ARAP1: variants seen among roughly 807,000 people sequenced by gnomAD.
ARAP1 encodes the protein arf-GAP with Rho-GAP domain, ANK repeat and PH domain-containing protein 1.
ARAP1 carries 76 observed loss-of-function variants against 172.2 expected under a neutral mutation model. The observed-to-expected ratio is 0.44, with a 90% CI of 0.37 to 0.53. ARAP1 has a LOEUF of 0.53. Among genes scored for constraint, ARAP1 ranks in the 20% least tolerant of loss-of-function variants. The pLI, the probability that ARAP1 is intolerant of heterozygous loss-of-function variation, is 0.00. For missense variants in ARAP1, 1,686 were observed against 1,977.5 expected (o/e 0.85, Z 2.80); for synonymous variants, 804 against 803.3 (o/e 1.00, Z -0.01).
At chr11:72,713,309 C>T in intron 4 of ARAP1, 66 bp from the exon 5 acceptor site, 1 of 1,465,542 alleles carries the variant, frequency 6.8e-7, no homozygotes, top group Non-Finnish European at 9.5e-7. Flanking sequence ...GGGCACCACA[C>T]TGGGCTTCAC....
In ARAP1 at chr11:72,741,048, T is replaced by C. The variant is rs1858179421; in HGVS notation, c.-127-8451A>G. 7.4e-6 allele frequency among the ~76,000 whole-genome samples: 1 copy of C among 135,114 alleles called. No individual in the cohort carries two copies. Among genetic ancestry groups the C allele is most frequent in the African/African-American group, 3.1e-5 (1 of 32,148 alleles). The allele number at this position is 135,114 out of a possible 152,430, so 88.6% of individuals were successfully genotyped here. A position where few individuals can be genotyped will look rare whatever the true frequency, so the allele number is the denominator to read the frequency against. On this transcript the variant is annotated intron_variant, in intron 1 of 34. Transcript: ENST00000393609. This position sits in a 1 kb window ranked among gnomAD's most constrained non-coding sequence, Gnocchi z 4.5. The stretch of plus-strand genomic sequence containing the variant: ...TGGTTTTAGGCTTTGTCAAAAAGCC[T>C]ATCACATACTATGCCCCTCTGGCCC...
rs1053011353 is a variant in ARAP1 at position 72,693,137 on chromosome 11, G to A, written c.3954+188C>T. 3.4e-6 allele frequency: 3 copies of A among 881,024 alleles called. No homozygotes were observed. The highest frequency in any genetic ancestry group is 3.5e-5 in the South Asian group (2 of 56,836). 54.6% of individuals were successfully genotyped at this position (881,024 alleles called of 1,614,324 possible). On this transcript the variant is annotated intron_variant, in intron 29 of 34. Coordinates refer to ENST00000393609, the MANE Select transcript of ARAP1 (RefSeq NM_001040118.3). This position sits in a 1 kb window ranked among gnomAD's most constrained non-coding sequence, Gnocchi z 4.6. ...GTGCCAGGGCTTAGTGGGGCTACAG[G>A]GCACACTAGAGTGGCCGTCCAGGGC...
At position 72,725,322 on chromosome 11, in the gene ARAP1, TTCTC is replaced by T. The variant is rs991012296; in HGVS notation, c.509+1294_509+1297del. ...TCTCTCTCTCTCTCTCTCTCTCTTT[TTCTC>T]TCTCTCTCTCCCCCCCACAAGCTGA... On this transcript the variant is annotated intron_variant, in intron 3 of 34. Coordinates refer to ENST00000393609, the MANE Select transcript of ARAP1 (RefSeq NM_001040118.3). The surrounding 1 kb of genome is among the most constrained non-coding windows in gnomAD (Gnocchi z 4.3). Among the ~76,000 whole-genome samples the T allele has an allele frequency of 6.6e-6, 1 of 150,700 alleles. No homozygotes were observed. The highest frequency in any genetic ancestry group is 2.1e-4 in the South Asian group (1 of 4,756).
In ARAP1 at chr11:72,722,235, ATG is replaced by A. The variant is rs746406600; in HGVS notation, c.509+4383_509+4384del. ...TGTGTGACTCTGTGTGTCTGTGTGTATGTGTGTGTGTATGTCTGCACCCAGCT... is the reference window on the plus strand; with the variant it reads ...TGTGTGACTCTGTGTGTCTGTGTGTATGTGTGTGTATGTCTGCACCCAGCT... On this transcript the variant is annotated intron_variant, in intron 3 of 34. Coordinates refer to ENST00000393609, the MANE Select transcript of ARAP1 (RefSeq NM_001040118.3). 3.0e-6 allele frequency: 3 copies of A among 984,352 alleles called. No homozygotes were observed. In the African/African-American group the frequency reaches 5.3e-5, roughly 17 times the overall value. The allele number at this position is 984,352 out of a possible 1,614,324, so 61.0% of individuals were successfully genotyped here.
chr11:72,701,037 T>C (rs1213721260), intron 16 of ARAP1, among the ~76,000 whole-genome samples: 2 of 152,068 alleles, frequency 1.3e-5, no homozygotes, highest in East Asian at 3.9e-4. Context: ...CTATTTTGCA[T>C]AAGGTAGTCA....
intron 3 of ARAP1, among the ~76,000 whole-genome samples, chr11:72,719,536 C>T (rs1236043734): frequency 6.6e-6 from 1 of 152,196 alleles, no homozygotes; most frequent in Non-Finnish European, 1.5e-5. Flanking sequence ...AGGAGGGCCA[C>T]TTGCACATGG....
rs1030160316 is a variant in ARAP1, at chr11:72,744,294, C to T, written c.-128+8034G>A. Among the ~76,000 whole-genome samples, 14 of 152,294 alleles carry T rather than the reference C, an allele frequency of 9.2e-5. 1 individual carries two copies. The highest frequency in any genetic ancestry group is 1.9e-4 in the African/African-American group (8 of 41,544). ...ACACAGTGAATATCTGTTGACTGAA[C>T]GAACATTTCCCAATTTTACACATGG... On this transcript the variant is annotated intron_variant, in intron 1 of 34. Coordinates refer to ENST00000393609, the MANE Select transcript of ARAP1 (RefSeq NM_001040118.3).
intron 3 of ARAP1, among the ~76,000 whole-genome samples, 168 bp from the exon 4 acceptor site, chr11:72,714,489 C>G (rs1857188240): frequency 6.6e-6 from 1 of 152,162 alleles, no homozygotes; most frequent in Non-Finnish European, 1.5e-5. Flanking sequence ...CAGACCAAAA[C>G]CCCTCCTGGT....
chr11:72,734,015 G>T (rs540729404), intron 1 of ARAP1, among the ~76,000 whole-genome samples: 32 of 152,052 alleles, frequency 2.1e-4, no homozygotes, highest in African/African-American at 7.2e-4. Context: ...TAGTAGAGAC[G>T]TGGTTTTGCC....
chr11:72,734,163 C>A (rs1018167243), intron 1 of ARAP1, among the ~76,000 whole-genome samples: 1 of 152,136 alleles, frequency 6.6e-6, no homozygotes, highest in African/African-American at 2.4e-5. Context: ...CTCTGTTGCC[C>A]AGGCTGGAGT....
At chr11:72,685,854 C>A in intron 34 of ARAP1, 173 bp from the exon 35 acceptor site, 6 of 1,352,684 alleles carry the variant, frequency 4.4e-6, no homozygotes, top group East Asian at 2.4e-5. Context: ...GCTTCCAGGG[C>A]CAGGCAGAAG....
intron 15 of ARAP1, 115 bp from the exon 16 acceptor site, chr11:72,701,898 C>A (rs1856499659): frequency 1.5e-6 from 2 of 1,365,820 alleles, no homozygotes. Flanking sequence ...AGCCCCAGCT[C>A]CCTAACTGGC....
chr11:72,713,364 C>A, intron 4 of ARAP1, 121 bp from the exon 5 acceptor site: 1 of 908,518 alleles, frequency 1.1e-6, no homozygotes, highest in South Asian at 1.5e-5. Flanking sequence ...CTCCCCCTGG[C>A]TTTCAAAAAA....
chr11:72,696,950 A>G (rs1454085113), intron 22 of ARAP1, 33 bp downstream of exon 22: 5 of 1,581,966 alleles, frequency 3.2e-6, no homozygotes, highest in Admixed American at 3.5e-5. Flanking sequence ...TGGGTGGAGG[A>G]GGAGGAGGCT....
intron 3 of ARAP1, among the ~76,000 whole-genome samples, chr11:72,714,820 T>C (rs1857204759): frequency 6.6e-6 from 1 of 152,122 alleles, no homozygotes; most frequent in Non-Finnish European, 1.5e-5. Context: ...ACCTTGCTCT[T>C]GCCCAGATTT....
Position 72,685,411 on chromosome 11 carries a change from G to A in ARAP1, c.*253C>T. On this transcript the variant is annotated 3_prime_UTR_variant, in exon 35 of 35. Transcript: ENST00000393609. ...GCCCCACAAGGACAGTGAACCCGGT[G>A]GGGTGAGCAGGTTGGGCCAAGAGGT... 7.0e-6 allele frequency: 4 copies of A among 571,328 alleles called. No individual in the cohort carries two copies. The highest frequency in any genetic ancestry group is 1.2e-5 in the Non-Finnish European group (4 of 320,100). 35.4% of individuals were successfully genotyped at this position (571,328 alleles called of 1,614,324 possible).
chr11:72,721,385 A>G (rs2135563175), intron 3 of ARAP1, among the ~76,000 whole-genome samples: 1 of 152,328 alleles, frequency 6.6e-6, no homozygotes, highest in Middle Eastern at 3.4e-3. Flanking sequence ...TCAGAATCAC[A>G]GCACCCTTGA....
At chr11:72,719,241 G>C (rs1474545710) in intron 3 of ARAP1, among the ~76,000 whole-genome samples, 1 of 152,160 alleles carries the variant, frequency 6.6e-6, no homozygotes, top group Non-Finnish European at 1.5e-5. Flanking sequence ...TCACTGCCCT[G>C]CCCAAGGTCA....
At position 72,693,647 on chromosome 11, in the gene ARAP1, A is replaced by C; in HGVS notation, c.3808+45T>G. Reference sequence around the variant, plus strand: ...CACCAGGTCCCACCCTGGCTCTGGAAGAGAGGACCACCCGGAGCCTGGCCA... The same window carrying C: ...CACCAGGTCCCACCCTGGCTCTGGACGAGAGGACCACCCGGAGCCTGGCCA... On this transcript the variant is annotated intron_variant, in intron 28 of 34. Coordinates refer to ENST00000393609, the MANE Select transcript of ARAP1 (RefSeq NM_001040118.3). The surrounding 1 kb of genome is among the most constrained non-coding windows in gnomAD (Gnocchi z 4.6). 1.3e-6 allele frequency: 2 copies of C among 1,555,982 alleles called. No homozygotes were observed. Among genetic ancestry groups the C allele is most frequent in the Non-Finnish European group, 1.7e-6 (2 of 1,147,580 alleles).
Sources: gnomAD v4.1 joint callset for allele counts (sites outside exome capture counted in the v4.1 genomes callset) on GRCh38, gnomAD v4.1.1 for gene constraint, Gnocchi (gnomAD v3.1) non-coding constraint, MANE v1.5 for transcripts, NCBI Gene and HGNC (gene_info 2026-07-23, HGNC 2026-07-21) for gene names.